Variants in UGT1A4 observed in about 807,000 individuals in gnomAD.
UGT1A4 encodes the protein UDP glucuronosyltransferase family 1 member A4, also known as UDP-glucuronosyltransferase 1A4.
Under a neutral mutation model 41.1 loss-of-function variants are expected in UGT1A4, and 32 were observed. That is an observed-to-expected ratio of 0.78 (90% CI 0.59 to 1.05). The LOEUF is 1.05. Among genes scored for constraint, UGT1A4 ranks in the 50% least tolerant of loss-of-function variants. The pLI is 0.00. For synonymous variants in UGT1A4, 283 were observed against 265.1 expected (o/e 1.07, Z -0.66); for missense variants, 748 against 677.4 (o/e 1.10, Z -1.16).
intron 1 of UGT1A4, among the ~76,000 whole-genome samples, chr2:233,724,413 G>A (rs1179316008): frequency 7.1e-6 from 1 of 141,162 alleles, no homozygotes; most frequent in Non-Finnish European, 1.5e-5. Context: ...TGGGGTGGCT[G>A]CCGGGCGGAG....
intron 4 of UGT1A4, chr2:233,771,347 C>T (rs1700292038): frequency 6.6e-6 from 1 of 152,046 alleles, no homozygotes; most frequent in South Asian, 2.1e-4. Context: ...CCTGTAGCAC[C>T]AAGGGTTGAA....
chr2:233,735,337 CT>C (rs939538517), intron 1 of UGT1A4, among the ~76,000 whole-genome samples: 5 of 150,880 alleles, frequency 3.3e-5, no homozygotes, highest in East Asian at 3.9e-4. Flanking sequence ...GCAACCCCTG[CT>C]TTTTTTTTGC....
intron 1 of UGT1A4, chr2:233,755,307 C>T (rs547203505): frequency 5.2e-6 from 3 of 580,082 alleles, no homozygotes; most frequent in African/African-American, 1.9e-5. Context: ...ACTGGCACAG[C>T]GAGCGGCAAG....
rs1472229025 is a variant in UGT1A4 at position 233,772,837 on chromosome 2, T to C, written c.*278T>C. ...CGTGCAGACAGGCTGGCATTCTAGA[T>C]TACTTTTCTTACTCTGAAACATGGC... is the stretch of plus-strand genomic sequence containing the variant. On this transcript the variant is annotated 3_prime_UTR_variant, in exon 5 of 5. Transcript: ENST00000373409. 1.2e-6 allele frequency: 1 copy of C among 832,170 alleles called. No homozygotes were observed. The highest frequency in any genetic ancestry group is 1.7e-6 in the Non-Finnish European group (1 of 590,342). The allele number at this position is 832,170 out of a possible 1,614,324, so 51.5% of individuals were successfully genotyped here.
intron 1 of UGT1A4, among the ~76,000 whole-genome samples, chr2:233,756,653 T>C (rs1696281522): frequency 6.6e-6 from 1 of 152,220 alleles, no homozygotes; most frequent in South Asian, 2.1e-4. Flanking sequence ...AAACATGGGA[T>C]GCAGTGATTA....
intron 1 of UGT1A4, among the ~76,000 whole-genome samples, chr2:233,757,621 A>T (rs1696682030): frequency 6.7e-6 from 1 of 149,382 alleles, no homozygotes; most frequent in Non-Finnish European, 1.5e-5. Flanking sequence ...GCTAAAAGAT[A>T]CAAGGCAGAA....
Position 233,760,573 on chromosome 2 carries a change from G to A in UGT1A4, c.868-6461G>A, listed in dbSNP as rs1208621089. The A allele has an allele frequency of 1.1e-5, 18 of 1,614,052 alleles. No individual in the cohort carries two copies. The highest frequency in any genetic ancestry group is 2.7e-5 in the African/African-American group (2 of 74,912). ...TGTGAAAGAGTCTTTTGTTAGTCTC[G>A]GGCATAATGTTTTTGAGAATGATTC... On this transcript the variant is annotated intron_variant, in intron 1 of 4. Coordinates refer to ENST00000373409, the MANE Select transcript of UGT1A4 (RefSeq NM_007120.3).
chr2:233,743,985 A>G (rs1333314866), intron 1 of UGT1A4: 3 of 1,283,108 alleles, frequency 2.3e-6, no homozygotes, highest in Non-Finnish European at 3.1e-6. Context: ...ACCCAGGCGC[A>G]GGCCCGAGTG....
intron 1 of UGT1A4, chr2:233,761,011 GTGA>G (rs759864220): frequency 6.2e-7 from 1 of 1,614,156 alleles, no homozygotes; most frequent in Non-Finnish European, 8.5e-7. Context: ...TCAGAGAGAG[GTGA>G]CTGTCCAGGA....
chr2:233,750,666 G>A (rs931346002), intron 1 of UGT1A4: 3 of 149,178 alleles, frequency 2.0e-5, no homozygotes, highest in Non-Finnish European at 2.9e-5. Flanking sequence ...GGTGCCCTGT[G>A]TCCCAGTGGC....
At chr2:233,724,150 G>A (rs2077177057) in intron 1 of UGT1A4, among the ~76,000 whole-genome samples, 3 of 120,556 alleles carry the variant, frequency 2.5e-5, no homozygotes, top group Non-Finnish European at 5.1e-5. Flanking sequence ...GCGGCTGGCC[G>A]GGTGGGGGGG....
At chr2:233,757,535 A>AATAAATATACATATAC (rs1553619837) in intron 1 of UGT1A4, among the ~76,000 whole-genome samples, 3 of 88,310 alleles carry the variant, frequency 3.4e-5, no homozygotes, top group African/African-American at 1.5e-4. Context: ...GCCTGTAAGG[A>AATAAATATACATATAC]ATATATATAT....
At position 233,719,543 on chromosome 2, in the gene UGT1A4, A is replaced by G. The variant is rs756254321; in HGVS notation, c.723A>G (p.Arg241=). The change falls in exon 1 of 5, where the codon AGA becomes AGG. Residue 241 remains arginine (R), a synonymous_variant. Transcript: ENST00000373409. The part of the protein sequence containing the change: ...YASLASELFQ[R]EVSVVDLVSY... ...GTCTTGCCTCTGAGCTTTTTCAGAG[A>G]GAGGTGTCAGTGGTGGATCTTGTCA... 9.9e-6 allele frequency: 16 copies of G among 1,613,668 alleles called. No homozygotes were observed. The highest frequency in any genetic ancestry group is 8.5e-6 in the Non-Finnish European group (10 of 1,179,852).
intron 1 of UGT1A4, chr2:233,729,503 G>T: frequency 1.2e-6 from 2 of 1,614,172 alleles, no homozygotes; most frequent in Non-Finnish European, 1.7e-6. Context: ...GTCTATCATA[G>T]GTCTTGTGTG....
intron 1 of UGT1A4, chr2:233,747,117 G>C: frequency 6.9e-7 from 1 of 1,451,680 alleles, no homozygotes; most frequent in Non-Finnish European, 9.3e-7. Flanking sequence ...ATGATGATTT[G>C]CTAAGTGGCT....
At chr2:233,737,433 A>G (rs1419343847) in intron 1 of UGT1A4, among the ~76,000 whole-genome samples, 1 of 152,146 alleles carries the variant, frequency 6.6e-6, no homozygotes, top group Non-Finnish European at 1.5e-5. Context: ...TTTGGGTGGG[A>G]GTGTCCCGTT....
intron 1 of UGT1A4, chr2:233,722,033 A>G (rs915638296): frequency 4.1e-6 from 1 of 246,466 alleles, no homozygotes; most frequent in Non-Finnish European, 8.1e-6. Context: ...CTTGAATTGC[A>G]TGATTTTGTG....
chr2:233,735,701 C>T (rs2078683713), intron 1 of UGT1A4, among the ~76,000 whole-genome samples: 1 of 151,894 alleles, frequency 6.6e-6, no homozygotes, highest in South Asian at 2.1e-4. Flanking sequence ...GTAAGGCAGG[C>T]CTGGTGGTGA....
intron 1 of UGT1A4, among the ~76,000 whole-genome samples, chr2:233,742,513 G>C (rs934347498): frequency 6.6e-6 from 1 of 151,822 alleles, no homozygotes; most frequent in Non-Finnish European, 1.5e-5. Context: ...TCATGAACAC[G>C]TCACAGTGCT....
Sources: gnomAD v4.1 joint callset for allele counts (sites outside exome capture counted in the v4.1 genomes callset) on GRCh38, gnomAD v4.1.1 for gene constraint, MANE v1.5 for transcripts, NCBI Gene and HGNC (gene_info 2026-07-23, HGNC 2026-07-21) for gene names.